C22orf15: variants seen among roughly 807,000 people sequenced by gnomAD.
C22orf15 encodes the protein chromosome 22 open reading frame 15.
Under a neutral mutation model 20.3 loss-of-function variants are expected in C22orf15, and 21 were observed. That is an observed-to-expected ratio of 1.04 (90% confidence interval 0.74 to 1.49). The LOEUF is 1.49. Among genes scored for constraint, C22orf15 ranks in the 40% most tolerant of loss-of-function variants. The pLI, the probability that C22orf15 is intolerant of heterozygous loss-of-function variation, is 0.00. For synonymous variants in C22orf15, 78 were observed against 75.4 expected (o/e 1.03, Z -0.18); for missense variants, 170 against 191.1 (o/e 0.89, Z 0.65).
chr22:23,764,387 T>G lies in C22orf15; in HGVS notation c.240T>G (p.Val80=). ...AGGAGCGAGCCATATATGTCCTCGT[T>G]CGGATCATCAGTAAGGTGGCCCAAG... The part of the protein sequence containing the change: ...LLKERAIYVL[V]RIIKGEDMAS... The change falls in exon 3 of 6, where the codon GTT becomes GTG. Residue 80 remains valine, a synonymous_variant. Coordinates refer to ENST00000402217, the MANE Select transcript of C22orf15 (RefSeq NM_182520.3). The G allele has an allele frequency of 3.2e-6, 5 of 1,557,752 alleles. No individual in the cohort carries two copies. The highest frequency in any genetic ancestry group is 3.5e-6 in the Non-Finnish European group (4 of 1,150,436).
intron 5 of C22orf15, chr22:23,765,407 C>T: frequency 6.4e-7 from 1 of 1,551,090 alleles, no homozygotes; most frequent in Non-Finnish European, 8.7e-7. Context: ...AGCAGGACTC[C>T]TCTTGCAGAA....
At position 23,764,407 on chromosome 22, in the gene C22orf15, C is replaced by T; in HGVS notation, c.250+10C>T. 6.4e-7 allele frequency: 1 copy of T among 1,570,710 alleles called. No homozygotes were observed. Among genetic ancestry groups the T allele is most frequent in the East Asian group, 2.4e-5 (1 of 41,920 alleles). On this transcript the variant is annotated intron_variant, in intron 3 of 5. Transcript: ENST00000402217. Reference sequence around the variant, plus strand: ...CTCGTTCGGATCATCAGTAAGGTGGCCCAAGGTTCTCTCCCCTGCAGCTAT... The same window carrying T: ...CTCGTTCGGATCATCAGTAAGGTGGTCCAAGGTTCTCTCCCCTGCAGCTAT...
At chr22:23,764,466 A>G (rs1296317057) in intron 3 of C22orf15, 69 bp downstream of exon 3, 1 of 1,605,784 alleles carries the variant, frequency 6.2e-7, no homozygotes, top group Admixed American at 1.7e-5. Context: ...AGCAGACCAT[A>G]GACCACCCAA....
chr22:23,765,419 C>A (rs1456622991), intron 5 of C22orf15: 1 of 1,551,076 alleles, frequency 6.4e-7, no homozygotes, highest in South Asian at 1.2e-5. Flanking sequence ...CTTGCAGAAT[C>A]TGGAATTGCT....
rs778106555 is a variant in C22orf15, at chr22:23,765,379, G to A, written c.436-342G>A. ...TGACCTCTGCCTTGTGTGATCAGGTGCAAACAGACAACAACCCAGCAGGAC... is the reference window on the plus strand; with the variant it reads ...TGACCTCTGCCTTGTGTGATCAGGTACAAACAGACAACAACCCAGCAGGAC... On this transcript the variant is annotated intron_variant, in intron 5 of 5. Coordinates refer to ENST00000402217, the MANE Select transcript of C22orf15 (RefSeq NM_182520.3). The A allele has an allele frequency of 2.2e-5, 34 of 1,550,950 alleles. No homozygotes were observed. The South Asian group carries it at 4.0e-4, about 18-fold the overall frequency.
chr22:23,765,102 C>T, intron 5 of C22orf15, 200 bp downstream of exon 5: 2 of 1,438,362 alleles, frequency 1.4e-6, no homozygotes, highest in Non-Finnish European at 9.1e-7. Flanking sequence ...AGGTCCCCAC[C>T]ACCCCACGGG....
chr22:23,765,541 AG>A (rs1926652315), intron 5 of C22orf15, 179 bp from the exon 6 acceptor site: 2 of 1,543,614 alleles, frequency 1.3e-6, no homozygotes, highest in Non-Finnish European at 1.8e-6. Flanking sequence ...AGAAGGGTAG[AG>A]GTGGCAGGTA....
intron 1 of C22orf15, 122 bp downstream of exon 1, chr22:23,763,453 C>A: frequency 1.2e-6 from 1 of 802,734 alleles, no homozygotes. Context: ...GTGCACATGG[C>A]GGGGGTCGTC....
intron 3 of C22orf15, 26 bp downstream of exon 3, chr22:23,764,423 C>A (rs780917800): frequency 1.3e-6 from 2 of 1,586,392 alleles, no homozygotes; most frequent in Non-Finnish European, 1.7e-6. Flanking sequence ...GTTCTCTCCC[C>A]TGCAGCTATG....
intron 3 of C22orf15, 66 bp downstream of exon 3, chr22:23,764,463 C>T: frequency 6.2e-7 from 1 of 1,605,578 alleles, no homozygotes; most frequent in Non-Finnish European, 8.5e-7. Flanking sequence ...CATAGCAGAC[C>T]ATAGACCACC....
At chr22:23,763,369 G>C (rs1326150703) in intron 1 of C22orf15, 38 bp downstream of exon 1, 1 of 1,540,052 alleles carries the variant, frequency 6.5e-7, no homozygotes, top group African/African-American at 1.4e-5. Context: ...CGGATAGGGG[G>C]ATGAGCACAC....
intron 1 of C22orf15, among the ~76,000 whole-genome samples, chr22:23,763,737 G>C (rs1045037142): frequency 6.6e-6 from 1 of 152,220 alleles, no homozygotes; most frequent in African/African-American, 2.4e-5. Context: ...GTAGCGGAAG[G>C]GAAGAGAGGA....
rs1289680501 is a variant in C22orf15, at chr22:23,764,061, AG to A, written c.26-24del. 7.8e-6 allele frequency: 12 copies of A among 1,547,902 alleles called. No homozygotes were observed. The African/African-American group carries it at 1.4e-4, about 18-fold the overall frequency. ...TTTGGAGGAAGGTAAGAGATCTCACAGGCTCACCTTTGCCCCTCTCCACAGC... is the reference window on the plus strand; with the variant it reads ...TTTGGAGGAAGGTAAGAGATCTCACAGCTCACCTTTGCCCCTCTCCACAGC... On this transcript the variant is annotated intron_variant, in intron 1 of 5. Transcript: ENST00000402217.
intron 4 of C22orf15, 24 bp from the exon 5 acceptor site, chr22:23,764,769 A>G: frequency 6.2e-7 from 1 of 1,614,092 alleles, no homozygotes; most frequent in South Asian, 1.1e-5. Context: ...AACCCCTACC[A>G]ACAGGACTTC....
rs757566664 is a variant in C22orf15, at chr22:23,765,787, C to T, written c.*55C>T. 1.8e-5 allele frequency: 28 copies of T among 1,545,820 alleles called. No individual in the cohort carries two copies. In the African/African-American group the frequency reaches 3.6e-4, roughly 20 times the overall value. ...TCCATCCTGACCCCACCTCATCAGC[C>T]AGGGAGCTCCCTGAAGACAGGCCAT... On this transcript the variant is annotated 3_prime_UTR_variant, in exon 6 of 6. Transcript: ENST00000402217.
intron 2 of C22orf15, 39 bp downstream of exon 2, chr22:23,764,212 C>T: frequency 4.5e-6 from 7 of 1,551,556 alleles, no homozygotes; most frequent in Non-Finnish European, 6.1e-6. Flanking sequence ...CTGAGGGGTC[C>T]CAGGCAGGGG....
Position 23,764,342 on chromosome 22 carries a change from C to A in C22orf15, c.195C>A (p.Thr65=). 6.4e-7 allele frequency: 1 copy of A among 1,551,676 alleles called. No individual in the cohort carries two copies. The highest frequency in any genetic ancestry group is 8.7e-7 in the Non-Finnish European group (1 of 1,147,008). The change falls in exon 3 of 6, where the codon ACC becomes ACA. Residue 65 remains threonine (T), a synonymous_variant. Transcript: ENST00000402217. The part of the protein sequence containing the change: ...DLKEGASRAQ[T]MGNSLLKERA... ...AGGAAGGGGCTTCCCGGGCCCAGAC[C>A]ATGGGCAACTCCCTACTGAAGGAGC... is the stretch of plus-strand genomic sequence containing the variant.
intron 1 of C22orf15, among the ~76,000 whole-genome samples, chr22:23,763,707 A>T (rs1926100630): frequency 6.6e-6 from 1 of 152,174 alleles, no homozygotes. Flanking sequence ...CTCTGGCTGG[A>T]GGCGGGTCGG....
rs937601545 is a variant in C22orf15 at position 23,763,175 on chromosome 22, C to T, written c.-132C>T. ...GGGCCTGGCCCTGGGACCCAGCCATCCACACTCACACATCCACTTCTCCCT... is the reference window on the plus strand; with the variant it reads ...GGGCCTGGCCCTGGGACCCAGCCATTCACACTCACACATCCACTTCTCCCT... On this transcript the variant is annotated 5_prime_UTR_variant, in exon 1 of 6. Transcript: ENST00000402217. The T allele has an allele frequency of 7.9e-7, 1 of 1,271,146 alleles. No individual in the cohort carries two copies. Among genetic ancestry groups the T allele is most frequent in the African/African-American group, 1.5e-5 (1 of 66,298 alleles). The allele number at this position is 1,271,146 out of a possible 1,614,324, so 78.7% of individuals were successfully genotyped here.
Sources: allele counts gnomAD v4.1 joint callset (sites outside exome capture counted in the v4.1 genomes callset), GRCh38; gene constraint gnomAD v4.1.1; transcripts MANE v1.5; gene names NCBI Gene and HGNC (gene_info 2026-07-23, HGNC 2026-07-21).